The following KLHL32 variants were observed in gnomAD, a reference collection of about 807,000 sequenced individuals.
KLHL32 encodes kelch like family member 32.
KLHL32 carries 35 observed loss-of-function variants against 64.8 expected under a neutral mutation model. The ratio of observed to expected loss-of-function variants is 0.54; its 90% confidence interval spans 0.41 to 0.72. The LOEUF is 0.72. Among genes scored for constraint, KLHL32 ranks in the 30% least tolerant of loss-of-function variants. The pLI is 0.00. For synonymous variants in KLHL32, 259 were observed against 281.0 expected (o/e 0.92, Z 0.78); for missense variants, 589 against 768.5 (o/e 0.77, Z 2.76).
Position 97,132,840 on chromosome 6 carries a change from T to C in KLHL32, c.1701+93T>C, listed in dbSNP as rs1272962556. ...CTACTGAAGAAAGAGATATTTATGT[T>C]TAGAAAGAGGCTTAACGTCCCGTTT... is the stretch of plus-strand genomic sequence containing the variant. On this transcript the variant is annotated intron_variant, in intron 10 of 10. Transcript: ENST00000369261. The C allele has an allele frequency of 5.6e-6, 5 of 889,430 alleles. No homozygotes were observed. In the African/African-American group the frequency reaches 8.6e-5, roughly 15 times the overall value. 55.1% of individuals were successfully genotyped at this position (889,430 alleles called of 1,614,324 possible).
At chr6:97,099,843 G>A (rs1024027652) in intron 6 of KLHL32, among the ~76,000 whole-genome samples, 4 of 151,512 alleles carry the variant, frequency 2.6e-5, no homozygotes, top group African/African-American at 9.7e-5. Flanking sequence ...CTGGGCATTG[G>A]CCCAAATCTT....
chr6:96,988,445 C>A (rs1777401095), intron 3 of KLHL32, among the ~76,000 whole-genome samples: 1 of 152,040 alleles, frequency 6.6e-6, no homozygotes, highest in Admixed American at 6.6e-5. Flanking sequence ...ATTAAAAAGT[C>A]AGGAAACAAC....
intron 5 of KLHL32, among the ~76,000 whole-genome samples, chr6:97,075,653 C>T (rs1791484359): frequency 6.6e-6 from 1 of 152,124 alleles, no homozygotes; most frequent in South Asian, 2.1e-4. Context: ...CCTTACCGCA[C>T]ATCCACACCA....
intron 2 of KLHL32, among the ~76,000 whole-genome samples, chr6:96,971,105 T>C (rs536475036): frequency 1.3e-5 from 2 of 152,222 alleles, no homozygotes; most frequent in Non-Finnish European, 2.9e-5. Flanking sequence ...TCCCACTTAG[T>C]TGTTTTTAAT....
intron 6 of KLHL32, among the ~76,000 whole-genome samples, chr6:97,107,056 G>C (rs1243811889): frequency 2.0e-5 from 3 of 152,162 alleles, no homozygotes; most frequent in Non-Finnish European, 2.9e-5. Context: ...ACTTTGGGAG[G>C]CGAAGGCGGG....
At chr6:97,105,289 G>T (rs1459327481) in intron 6 of KLHL32, among the ~76,000 whole-genome samples, 1 of 152,178 alleles carries the variant, frequency 6.6e-6, no homozygotes, top group East Asian at 1.9e-4. Context: ...ATTCGTCTAT[G>T]CATCATCATC....
intron 5 of KLHL32, among the ~76,000 whole-genome samples, chr6:97,079,873 AAG>A (rs542916627): frequency 1.3e-5 from 2 of 152,214 alleles, no homozygotes; most frequent in Admixed American, 6.5e-5. Flanking sequence ...AGAAAAAAAA[AAG>A]AGTAAGATTT....
At chr6:97,100,225 G>C (rs533559931) in intron 6 of KLHL32, among the ~76,000 whole-genome samples, 21 of 152,156 alleles carry the variant, frequency 1.4e-4, no homozygotes, top group Non-Finnish European at 2.8e-4. Flanking sequence ...AGGATTCATA[G>C]TTCCCTAGTT....
chr6:96,973,652 A>G (rs980638375), intron 2 of KLHL32, among the ~76,000 whole-genome samples: 3 of 151,668 alleles, frequency 2.0e-5, no homozygotes, highest in Non-Finnish European at 4.4e-5. Flanking sequence ...GAGATTCATT[A>G]TACATAATAT....
intron 3 of KLHL32, among the ~76,000 whole-genome samples, chr6:97,021,913 G>A (rs1050564022): frequency 6.6e-6 from 1 of 150,824 alleles, no homozygotes; most frequent in African/African-American, 2.5e-5. Context: ...GCAATTATCT[G>A]TGTCATCCTT....
the KLHL32 span, among the ~76,000 whole-genome samples, chr6:96,905,102 T>C: frequency 6.6e-6 from 1 of 152,086 alleles, no homozygotes; most frequent in East Asian, 1.9e-4. Flanking sequence ...TTTTTTTCCA[T>C]CCATAGCAAT....
chr6:97,026,401 G>A (rs1782727436), intron 3 of KLHL32, among the ~76,000 whole-genome samples: 1 of 152,066 alleles, frequency 6.6e-6, no homozygotes, highest in Non-Finnish European at 1.5e-5. Flanking sequence ...CGAACATTTG[G>A]GAAGACTTGA....
chr6:97,087,929 G>A lies in KLHL32; in HGVS notation c.627+2588G>A, dbSNP rs7747599. ...ACAAAATGTGTTGTATGCAGGCCAC[G>A]GTAATCATTCTGTGGATCTGTGAAC... is the stretch of plus-strand genomic sequence containing the variant. On this transcript the variant is annotated intron_variant, in intron 6 of 10. Coordinates refer to ENST00000369261, the MANE Select transcript of KLHL32 (RefSeq NM_052904.4). Among the ~76,000 whole-genome samples, 619 of 152,210 alleles carry A rather than the reference G, an allele frequency of 4.1e-3. 5 individuals are homozygous for A. The highest frequency in any genetic ancestry group is 0.014 in the African/African-American group (586 of 41,524).
chr6:96,934,672 T>G (rs1770360474), intron 1 of KLHL32, among the ~76,000 whole-genome samples: 1 of 152,278 alleles, frequency 6.6e-6, no homozygotes, highest in South Asian at 2.1e-4. Flanking sequence ...AGAGAGCAGC[T>G]AATATCCTCA....
intron 8 of KLHL32, among the ~76,000 whole-genome samples, chr6:97,128,117 A>G (rs902521249): frequency 3.9e-5 from 6 of 152,236 alleles, no homozygotes; most frequent in African/African-American, 1.4e-4. Flanking sequence ...TTATGACGGT[A>G]TTCCAAAATG....
chr6:97,116,226 G>T (rs1797794702), intron 7 of KLHL32, among the ~76,000 whole-genome samples: 1 of 152,190 alleles, frequency 6.6e-6, no homozygotes, highest in African/African-American at 2.4e-5. Flanking sequence ...AAACAAGTAT[G>T]TATGTTAGTA....
At chr6:97,069,910 T>A (rs951590239) in intron 5 of KLHL32, among the ~76,000 whole-genome samples, 1 of 152,014 alleles carries the variant, frequency 6.6e-6, no homozygotes, top group Non-Finnish European at 1.5e-5. Context: ...CAATGACTTA[T>A]AGGAGGTTAT....
At position 96,974,169 on chromosome 6, in the gene KLHL32, T is replaced by G. The variant is rs556326543; in HGVS notation, c.24-1828T>G. On this transcript the variant is annotated intron_variant, in intron 2 of 10. Coordinates refer to ENST00000369261, the MANE Select transcript of KLHL32 (RefSeq NM_052904.4). ...TAGTACCTGCCTCATGGTGTTGTTG[T>G]GCAGATTACATGAACTAGTCATTGT... Among the ~76,000 whole-genome samples, 108 of 152,334 alleles carry G rather than the reference T, an allele frequency of 7.1e-4. 3 individuals carry two copies. The South Asian group carries it at 0.021, about 30-fold the overall frequency.
upstream of KLHL32, among the ~76,000 whole-genome samples, chr6:96,920,028 A>G (rs1224706023): frequency 6.6e-6 from 1 of 152,228 alleles, no homozygotes; most frequent in African/African-American, 2.4e-5. Context: ...GTGGAAAGGC[A>G]GGGTCTATTT....
Sources: allele counts gnomAD v4.1 joint callset (sites outside exome capture counted in the v4.1 genomes callset), GRCh38; gene constraint gnomAD v4.1.1; transcripts MANE v1.5; gene names NCBI Gene and HGNC (gene_info 2026-07-23, HGNC 2026-07-21).